The following IQGAP2 variants were observed in gnomAD, a reference collection of about 807,000 sequenced individuals.
IQGAP2 encodes the protein IQ motif containing GTPase activating protein 2, also known as ras GTPase-activating-like protein IQGAP2.
In IQGAP2, 173 loss-of-function variants were observed where a neutral mutation model predicts 201.3. The ratio of observed to expected loss-of-function variants is 0.86; its 90% CI spans 0.76 to 0.98. The LOEUF is 0.98. IQGAP2 is among the 50% of genes least tolerant of loss of function. IQGAP2 has a pLI of 0.00. For synonymous variants in IQGAP2, 675 were observed against 673.9 expected (o/e 1.00, Z -0.03); for missense variants, 1,687 against 1,864.8 (o/e 0.90, Z 1.76).
chr5:76,639,552 G>A (rs890366208), intron 16 of IQGAP2, among the ~76,000 whole-genome samples: 25 of 152,132 alleles, frequency 1.6e-4, no homozygotes, highest in African/African-American at 6.0e-4. Flanking sequence ...GCTGATAATG[G>A]ATCCACGCGT....
chr5:76,549,706 A>G (rs1433075264), intron 2 of IQGAP2, among the ~76,000 whole-genome samples: 2 of 152,044 alleles, frequency 1.3e-5, no homozygotes, highest in African/African-American at 4.8e-5. Context: ...TGGCCCTTTC[A>G]CTATGTCCTT....
chr5:76,658,962 G>T (rs1743006624), intron 21 of IQGAP2, among the ~76,000 whole-genome samples: 1 of 152,040 alleles, frequency 6.6e-6, no homozygotes, highest in Non-Finnish European at 1.5e-5. Flanking sequence ...TCTAAACATA[G>T]CTCAACATAG....
intron 5 of IQGAP2, among the ~76,000 whole-genome samples, chr5:76,581,336 G>A (rs1175208031): frequency 1.3e-5 from 2 of 152,156 alleles, no homozygotes; most frequent in Admixed American, 6.5e-5. Context: ...GAACATATTT[G>A]CATTTATAAA....
In IQGAP2 at chr5:76,570,445, T is replaced by C. The variant is rs552899124; in HGVS notation, c.304-135T>C. On this transcript the variant is annotated intron_variant, in intron 3 of 35. Coordinates refer to ENST00000274364, the MANE Select transcript of IQGAP2 (RefSeq NM_006633.5). ...ATCCTTTAGCACGCCTCTGTTTGCT[T>C]TATGTGAACATTAATAACTCTGTTC... 23 of 668,198 alleles carry C rather than the reference T, an allele frequency of 3.4e-5. No homozygotes were observed. In the Middle Eastern group the frequency reaches 2.1e-3, roughly 60 times the overall value. 41.4% of individuals were successfully genotyped at this position (668,198 alleles called of 1,614,324 possible).
At chr5:76,539,342 C>G (rs2150217520) in intron 2 of IQGAP2, among the ~76,000 whole-genome samples, 1 of 152,348 alleles carries the variant, frequency 6.6e-6, no homozygotes, top group South Asian at 2.1e-4. Flanking sequence ...TCCCGAATCT[C>G]TGACTCAAAA....
At chr5:76,511,750 G>A (rs1192496422) in intron 2 of IQGAP2, among the ~76,000 whole-genome samples, 14 of 150,216 alleles carry the variant, frequency 9.3e-5, no homozygotes, top group Non-Finnish European at 1.6e-4. Context: ...GCGCGATCTC[G>A]GCTCACTGCA....
intron 1 of IQGAP2, among the ~76,000 whole-genome samples, chr5:76,409,436 G>A (rs1015466979): frequency 6.6e-6 from 1 of 151,036 alleles, no homozygotes; most frequent in African/African-American, 2.4e-5. Flanking sequence ...TGGTAGAGAT[G>A]GGGTTTCATC....
intron 1 of IQGAP2, among the ~76,000 whole-genome samples, chr5:76,438,038 T>TTTTTTTTTTTTTTTTTTTTTTG (rs1752815816): frequency 8.5e-6 from 1 of 117,102 alleles, no homozygotes; most frequent in Non-Finnish European, 1.6e-5. Context: ...TTTGTTTGTT[T>TTTTTTTTTTTTTTTTTTTTTTG]TTTTTTTTGT....
In IQGAP2 at chr5:76,695,472, G is replaced by A. The variant is rs1327172131; in HGVS notation, c.4012G>A (p.Asp1338Asn). 3.1e-6 allele frequency: 5 copies of A among 1,613,870 alleles called. No individual in the cohort carries two copies. The highest frequency in any genetic ancestry group is 2.7e-5 in the African/African-American group (2 of 74,902). ...TAQQEVDHAT[D>N]MVSRAMIDSR... is the part of the protein sequence containing the mutation. The stretch of plus-strand genomic sequence containing the variant: ...TTTTCAGGAGGTAGACCATGCCACG[G>A]ACATGGTGAGCCGTGCAATGATAGA... The change falls in exon 32 of 36, where the codon GAC becomes AAC. Residue 1338 changes from aspartate to asparagine, a missense_variant. Asp to Asn is a conservative substitution (Grantham distance 23). Transcript: ENST00000274364.
At chr5:76,540,294 C>T (rs1742676302) in intron 2 of IQGAP2, among the ~76,000 whole-genome samples, 5 of 151,974 alleles carry the variant, frequency 3.3e-5, no homozygotes, top group African/African-American at 1.2e-4. Flanking sequence ...TAAGTAGATA[C>T]AAGAAAGAAA....
chr5:76,422,739 A>C (rs1456191592), intron 1 of IQGAP2, among the ~76,000 whole-genome samples: 2 of 152,216 alleles, frequency 1.3e-5, no homozygotes, highest in Admixed American at 6.5e-5. Context: ...GGAGGCATGT[A>C]CACACAGCTC....
At chr5:76,682,363 ATGT>A (rs1289011450) in intron 28 of IQGAP2, among the ~76,000 whole-genome samples, 2 of 152,158 alleles carry the variant, frequency 1.3e-5, no homozygotes, top group African/African-American at 4.8e-5. Flanking sequence ...TACTTTGGAA[ATGT>A]TGTTTCAATC....
At chr5:76,695,791 T>G in intron 32 of IQGAP2, 125 bp downstream of exon 32, 1 of 580,730 alleles carries the variant, frequency 1.7e-6, no homozygotes, top group East Asian at 3.4e-5. Context: ...GTTACTGCCC[T>G]CTTCAATGCT....
At chr5:76,459,193 G>A (rs1340474564) in intron 1 of IQGAP2, among the ~76,000 whole-genome samples, 1 of 152,210 alleles carries the variant, frequency 6.6e-6, no homozygotes, top group African/African-American at 2.4e-5. Context: ...GAGCCCCTCA[G>A]CAGCTGTCCT....
intron 5 of IQGAP2, among the ~76,000 whole-genome samples, chr5:76,584,618 G>A (rs766335170): frequency 6.6e-6 from 1 of 151,974 alleles, no homozygotes; most frequent in Admixed American, 6.6e-5. Context: ...TGCTGATAGC[G>A]GGATAGCATG....
At chr5:76,646,113 A>G (rs1351487580) in intron 17 of IQGAP2, among the ~76,000 whole-genome samples, 1 of 152,180 alleles carries the variant, frequency 6.6e-6, no homozygotes, top group Non-Finnish European at 1.5e-5. Flanking sequence ...ACCAGTGTTA[A>G]CCACCAAAAT....
intron 1 of IQGAP2, among the ~76,000 whole-genome samples, chr5:76,440,145 C>G (rs1396952947): frequency 1.3e-5 from 2 of 152,128 alleles, no homozygotes; most frequent in Non-Finnish European, 2.9e-5. Flanking sequence ...TCTTGGCTGA[C>G]AGTTATTCTG....
intron 2 of IQGAP2, 60 bp from the exon 3 acceptor site, chr5:76,562,336 T>G (rs1744434834): frequency 1.6e-6 from 2 of 1,278,568 alleles, no homozygotes; most frequent in Non-Finnish European, 2.2e-6. Flanking sequence ...CTGCATGCCT[T>G]CATTTGCAGA....
At chr5:76,438,901 CT>C (rs1400435815) in intron 1 of IQGAP2, among the ~76,000 whole-genome samples, 1 of 151,992 alleles carries the variant, frequency 6.6e-6, no homozygotes. Context: ...TAGTTCTGCT[CT>C]AATCTTTTAT....
Sources: gnomAD v4.1 joint callset for allele counts (sites outside exome capture counted in the v4.1 genomes callset) on GRCh38, gnomAD v4.1.1 for gene constraint, MANE v1.5 for transcripts, NCBI Gene and HGNC (gene_info 2026-07-23, HGNC 2026-07-21) for gene names.